The following PRKG1 variants were observed in gnomAD, a reference collection of about 807,000 sequenced individuals.
PRKG1 encodes the protein cGMP-dependent protein kinase 1.
In PRKG1, 35 loss-of-function variants were observed where a neutral mutation model predicts 88.1. The ratio of observed to expected loss-of-function variants is 0.40; its 90% CI spans 0.30 to 0.53. The LOEUF is 0.53. Ranked by LOEUF, PRKG1 falls within the 20% of genes least tolerant of loss-of-function variation. The pLI, the probability that PRKG1 is intolerant of heterozygous loss-of-function variation, is 0.59. For missense variants in PRKG1, 540 were observed against 839.8 expected, an observed-to-expected ratio of 0.64 and a Z score of 4.41; for synonymous variants, 303 against 292.5, an observed-to-expected ratio of 1.04 and a Z score of -0.37.
chr10:51,792,671 A>G (rs566844716), intron 3 of PRKG1, among the ~76,000 whole-genome samples: 13 of 152,218 alleles, frequency 8.5e-5, no homozygotes, highest in Middle Eastern at 3.4e-3. Flanking sequence ...GTCCGCCAAA[A>G]TGGAAAAAGG....
intron 14 of PRKG1, 43 bp from the exon 15 acceptor site, chr10:52,288,682 GA>G: frequency 6.5e-7 from 1 of 1,530,696 alleles, no homozygotes; most frequent in Non-Finnish European, 8.7e-7. Flanking sequence ...TTCTCATGTA[GA>G]AAATAAAAGT....
intron 3 of PRKG1, among the ~76,000 whole-genome samples, chr10:51,688,854 C>T (rs1841062424): frequency 1.3e-5 from 2 of 152,096 alleles, no homozygotes; most frequent in Non-Finnish European, 1.5e-5. Context: ...TATGGTTTGG[C>T]TCTGTGTCCC....
At chr10:52,292,292 T>TTTTG in intron 17 of PRKG1, among the ~76,000 whole-genome samples, 1 of 151,858 alleles carries the variant, frequency 6.6e-6, no homozygotes, top group Middle Eastern at 3.4e-3. Flanking sequence ...CAATTTTGGC[T>TTTTG]TTTGTTGCCA....
At chr10:51,052,736 C>A (rs1843578976) in intron 1 of PRKG1, among the ~76,000 whole-genome samples, 1 of 152,124 alleles carries the variant, frequency 6.6e-6, no homozygotes, top group South Asian at 2.1e-4. Context: ...TTTCTATGTT[C>A]AATGTAGAGG....
chr10:51,974,011 C>T (rs11000345), intron 5 of PRKG1, among the ~76,000 whole-genome samples: 30,006 of 152,086 alleles, frequency 0.2, 3,835 homozygotes, highest in Non-Finnish European at 0.28. Flanking sequence ...AATGCAGTTA[C>T]ATTCATTCAT....
At chr10:51,483,654 G>A (rs749472468) in intron 3 of PRKG1, among the ~76,000 whole-genome samples, 11 of 152,132 alleles carry the variant, frequency 7.2e-5, no homozygotes, top group East Asian at 1.9e-4. Flanking sequence ...GAAATGAAGC[G>A]TTCAATGTGT....
At chr10:51,502,025 T>C (rs1342108784) in intron 3 of PRKG1, among the ~76,000 whole-genome samples, 1 of 152,096 alleles carries the variant, frequency 6.6e-6, no homozygotes, top group East Asian at 1.9e-4. Flanking sequence ...ATTTTCAATG[T>C]TTAATAAATA....
intron 5 of PRKG1, among the ~76,000 whole-genome samples, chr10:51,913,010 C>A (rs890184861): frequency 1.4e-4 from 21 of 152,122 alleles, no homozygotes; most frequent in African/African-American, 4.6e-4. Flanking sequence ...CTCACTGCAA[C>A]CTTCATCGCC....
chr10:51,696,612 A>AGGGT (rs1841299612), intron 3 of PRKG1: 2 of 152,140 alleles, frequency 1.3e-5, no homozygotes, highest in South Asian at 2.1e-4. Flanking sequence ...TGGTCTCTGT[A>AGGGT]GGGTGGGATA....
At chr10:52,130,473 C>G (rs1278074239) in intron 7 of PRKG1, among the ~76,000 whole-genome samples, 1 of 152,102 alleles carries the variant, frequency 6.6e-6, no homozygotes, top group Non-Finnish European at 1.5e-5. Flanking sequence ...CAGAAGATAT[C>G]TTCAAAATGA....
intron 9 of PRKG1, among the ~76,000 whole-genome samples, chr10:52,207,746 C>T (rs970703735): frequency 1.3e-5 from 2 of 152,128 alleles, no homozygotes; most frequent in African/African-American, 4.8e-5. Context: ...TTCAACTCAC[C>T]TCTTCCCCAG....
At chr10:52,083,893 A>G (rs1046798036) in intron 7 of PRKG1, among the ~76,000 whole-genome samples, 2 of 152,098 alleles carry the variant, frequency 1.3e-5, no homozygotes, top group Non-Finnish European at 2.9e-5. Context: ...GGGCTGGAAG[A>G]TCAGTGGGTA....
chr10:52,289,749 G>A (rs564441506), intron 16 of PRKG1, among the ~76,000 whole-genome samples: 1 of 152,180 alleles, frequency 6.6e-6, no homozygotes, highest in Admixed American at 6.5e-5. Flanking sequence ...GGGAAAAAAA[G>A]AAGAAAATGG....
At chr10:51,627,834 C>CTCCTTTCCTT (rs370135817) in intron 3 of PRKG1, among the ~76,000 whole-genome samples, 3 of 141,474 alleles carry the variant, frequency 2.1e-5, no homozygotes, top group East Asian at 4.6e-4. Context: ...CAATCTTCCT[C>CTCCTTTCCTT]TCCTTTCCTT....
chr10:51,325,150 T>A (rs1841556719), intron 2 of PRKG1, among the ~76,000 whole-genome samples: 1 of 152,196 alleles, frequency 6.6e-6, no homozygotes, highest in Admixed American at 6.5e-5. Context: ...TTTTTTGAAA[T>A]ACACCTGTTT....
intron 3 of PRKG1, among the ~76,000 whole-genome samples, chr10:51,704,221 G>A (rs1231313557): frequency 1.4e-5 from 2 of 147,056 alleles, no homozygotes; most frequent in African/African-American, 5.3e-5. Context: ...TATAGTAGCT[G>A]ATAGATGATA....
intron 4 of PRKG1, among the ~76,000 whole-genome samples, chr10:51,850,958 T>G (rs1840538777): frequency 6.6e-6 from 1 of 152,190 alleles, no homozygotes; most frequent in Non-Finnish European, 1.5e-5. Context: ...TCTTTACCTT[T>G]GATCTAGCAA....
chr10:52,176,163 TTC>T, intron 9 of PRKG1, among the ~76,000 whole-genome samples: 1 of 147,700 alleles, frequency 6.8e-6, no homozygotes, highest in Non-Finnish European at 1.5e-5. Context: ...TTTGAGTTTT[TTC>T]TTTTTCTCTT....
At chr10:52,005,075 C>T (rs888107874) in intron 5 of PRKG1, among the ~76,000 whole-genome samples, 2 of 152,004 alleles carry the variant, frequency 1.3e-5, no homozygotes, top group Non-Finnish European at 2.9e-5. Context: ...TGTTACAGGA[C>T]TTTTGATAGG....
Sources: gnomAD v4.1 joint callset for allele counts (sites outside exome capture counted in the v4.1 genomes callset) on GRCh38, gnomAD v4.1.1 for gene constraint, MANE v1.5 for transcripts, NCBI Gene and HGNC (gene_info 2026-07-23, HGNC 2026-07-21) for gene names.